Variants in C2CD3 observed in about 807,000 individuals in gnomAD.
C2CD3 encodes C2 domain-containing protein 3.
In C2CD3, 148 loss-of-function variants were observed where a neutral mutation model predicts 234.0. The observed-to-expected ratio is 0.63, with a 90% CI of 0.55 to 0.72. C2CD3 has a LOEUF of 0.72. C2CD3 is among the 30% of genes least tolerant of loss of function. The probability of loss-of-function intolerance (pLI) is 0.00; values close to 1 mark genes in which losing one functional copy is unlikely to be tolerated. For missense variants in C2CD3, 2,577 were observed against 2,811.5 expected, an observed-to-expected ratio of 0.92 and a Z score of 1.89; for synonymous variants, 1,000 against 1,035.4, an observed-to-expected ratio of 0.97 and a Z score of 0.66.
At chr11:74,126,887 C>T (rs1957430768) in intron 7 of C2CD3, among the ~76,000 whole-genome samples, 1 of 152,216 alleles carries the variant, frequency 6.6e-6, no homozygotes, top group African/African-American at 2.4e-5. Context: ...CTTCAGCTAT[C>T]ACTACCCTAC....
chr11:74,073,332 C>A (rs1017833577), intron 24 of C2CD3, among the ~76,000 whole-genome samples: 1 of 152,026 alleles, frequency 6.6e-6, no homozygotes, highest in Non-Finnish European at 1.5e-5. Context: ...CACGTCTGTA[C>A]TCCCAGCACT....
intron 11 of C2CD3, among the ~76,000 whole-genome samples, chr11:74,109,851 T>A (rs1218003785): frequency 6.6e-6 from 1 of 151,798 alleles, no homozygotes; most frequent in South Asian, 2.1e-4. Flanking sequence ...GATGGGCAGA[T>A]CACGAGGTCA....
intron 7 of C2CD3, among the ~76,000 whole-genome samples, chr11:74,126,242 C>T (rs749940247): frequency 1.3e-5 from 2 of 152,142 alleles, no homozygotes; most frequent in African/African-American, 2.4e-5. Flanking sequence ...AATCTGATGT[C>T]ATTCCAATTC....
chr11:74,109,543 G>C lies in C2CD3; in HGVS notation c.1844-391C>G, dbSNP rs534342418. 1.9e-5 allele frequency: 3 copies of C among 160,272 alleles called. No individual in the cohort carries two copies. The East Asian group carries it at 5.3e-4, about 28-fold the overall frequency. 9.9% of individuals were successfully genotyped at this position (160,272 alleles called of 1,614,324 possible). A position where few individuals can be genotyped will look rare whatever the true frequency, so the allele number is the denominator to read the frequency against. ...GCTGGTTGGAGGTGGAACAATGAGG[G>C]ATAAATAGAAGAATGGAATAAAAAA... On this transcript the variant is annotated intron_variant, in intron 11 of 32. Transcript: ENST00000334126.
In C2CD3 at chr11:74,036,349, A is replaced by G. The variant is rs74605573; in HGVS notation, c.5881+1129T>C. 2.0e-3 allele frequency: 876 copies of G among 433,826 alleles called. 8 individuals are homozygous for G. In the East Asian group the frequency reaches 0.028, roughly 14 times the overall value. The allele number at this position is 433,826 out of a possible 1,614,324, so 26.9% of individuals were successfully genotyped here. A position where few individuals can be genotyped will look rare whatever the true frequency, so the allele number is the denominator to read the frequency against. ...TAATGCCTGTCATATCCACCACTGTATCTTCCTGGGACAAATAACAGAATA... is the reference window on the plus strand; with the variant it reads ...TAATGCCTGTCATATCCACCACTGTGTCTTCCTGGGACAAATAACAGAATA... On this transcript the variant is annotated intron_variant, in intron 30 of 32. Transcript: ENST00000334126.
chr11:74,027,502 G>A lies in C2CD3; in HGVS notation c.6921+785C>T, dbSNP rs575107993. ...ATACAAAGTACTTGGAACAGTGCCT[G>A]GTACATGCTAAGCACCACCATAACT... On this transcript the variant is annotated intron_variant, in intron 32 of 32. Coordinates refer to ENST00000334126, the MANE Select transcript of C2CD3 (RefSeq NM_001286577.2). Among the ~76,000 whole-genome samples the A allele has an allele frequency of 2.0e-5, 3 of 152,274 alleles. No individual in the cohort carries two copies. In the South Asian group the frequency reaches 6.2e-4, roughly 32 times the overall value.
At chr11:74,077,801 A>ATG (rs1955120551) in intron 23 of C2CD3, among the ~76,000 whole-genome samples, 1 of 11,668 alleles carries the variant, frequency 8.6e-5, no homozygotes, top group Non-Finnish European at 1.6e-4. Context: ...ATATATATAT[A>ATG]TATATATATA....
chr11:74,131,935 A>T (rs962373766), intron 7 of C2CD3, among the ~76,000 whole-genome samples: 5 of 152,240 alleles, frequency 3.3e-5, no homozygotes, highest in Non-Finnish European at 5.9e-5. Flanking sequence ...ACTATGCCCT[A>T]TTAACTTTCC....
At chr11:74,150,015 T>A (rs1462653863) in intron 3 of C2CD3, among the ~76,000 whole-genome samples, 1 of 152,208 alleles carries the variant, frequency 6.6e-6, no homozygotes, top group East Asian at 1.9e-4. Flanking sequence ...TAATTCTTTG[T>A]GTGTGACTGT....
intron 3 of C2CD3, among the ~76,000 whole-genome samples, chr11:74,151,929 T>C (rs913613817): frequency 6.6e-6 from 1 of 151,948 alleles, no homozygotes; most frequent in Non-Finnish European, 1.5e-5. Context: ...GAAATGAAAA[T>C]ATGACTGATG....
At chr11:74,013,639 G>GCAGC in intron 32 of C2CD3, 114 bp from the exon 33 acceptor site, 1 of 598,076 alleles carries the variant, frequency 1.7e-6, no homozygotes, top group Non-Finnish European at 2.5e-6. Context: ...GAGCTGCCTG[G>GCAGC]TTTACAAAGC....
At chr11:74,110,098 T>TA (rs1039653149) in intron 11 of C2CD3, among the ~76,000 whole-genome samples, 1 of 150,832 alleles carries the variant, frequency 6.6e-6, no homozygotes, top group Non-Finnish European at 1.5e-5. Flanking sequence ...AATAAATAAA[T>TA]AAATAAAATA....
chr11:74,087,074 T>C (rs116448556), intron 20 of C2CD3, among the ~76,000 whole-genome samples: 6 of 152,316 alleles, frequency 3.9e-5, no homozygotes, highest in African/African-American at 1.4e-4. Context: ...ATATTATATA[T>C]TTGGATGCTT....
intron 14 of C2CD3, among the ~76,000 whole-genome samples, chr11:74,101,721 A>G (rs1956322843): frequency 6.6e-6 from 1 of 152,114 alleles, no homozygotes; most frequent in South Asian, 2.1e-4. Context: ...CAGAAGAAAG[A>G]GCACATATGA....
intron 15 of C2CD3, among the ~76,000 whole-genome samples, chr11:74,099,723 C>T (rs965254468): frequency 5.3e-5 from 8 of 151,968 alleles, no homozygotes; most frequent in South Asian, 2.1e-4. Context: ...GGTGAAACCC[C>T]GTCTCTACTA....
At position 74,092,456 on chromosome 11, in the gene C2CD3, G is replaced by A. The variant is rs1955932552; in HGVS notation, c.3477C>T (p.Pro1159=). The change falls in exon 19 of 33, where the codon CCC becomes CCT. Residue 1159 remains proline, a synonymous_variant. Transcript: ENST00000334126. ...GIQTFNLPLT[P]RIENRKELRN... ...TCAATTCTTTCCTGTTCTCAATCCT[G>A]GGGGTTAAAGGGAGATTAAAGGTCT... 1 of 1,613,626 alleles carries A rather than the reference G, an allele frequency of 6.2e-7. No individual in the cohort carries two copies. The highest frequency in any genetic ancestry group is 1.7e-5 in the Admixed American group (1 of 59,986).
chr11:74,045,354 T>G (rs1247636054), intron 28 of C2CD3, among the ~76,000 whole-genome samples: 3 of 152,192 alleles, frequency 2.0e-5, no homozygotes, highest in Non-Finnish European at 4.4e-5. Flanking sequence ...CTGTTCTTTT[T>G]CAAGGTTGTT....
intron 23 of C2CD3, 39 bp downstream of exon 23, chr11:74,078,076 T>C (rs182621355): frequency 7.6e-6 from 12 of 1,583,410 alleles, no homozygotes; most frequent in Non-Finnish European, 1.0e-5. Flanking sequence ...ACAGAGCAGG[T>C]GCTCAAACTA....
chr11:74,021,314 C>T (rs1024723686), intron 32 of C2CD3, among the ~76,000 whole-genome samples: 1 of 152,202 alleles, frequency 6.6e-6, no homozygotes, highest in African/African-American at 2.4e-5. Context: ...ACCCTTTAAT[C>T]GAAATTGAGA....
Sources: gnomAD v4.1 joint callset for allele counts (sites outside exome capture counted in the v4.1 genomes callset) on GRCh38, gnomAD v4.1.1 for gene constraint, MANE v1.5 for transcripts, NCBI Gene and HGNC (gene_info 2026-07-23, HGNC 2026-07-21) for gene names.